SUGCT: variants seen among roughly 807,000 people sequenced by gnomAD.
SUGCT encodes succinyl-CoA:glutarate-CoA transferase, also known as succinyl-CoA:glutarate CoA-transferase.
Under a neutral mutation model 55.0 loss-of-function variants are expected in SUGCT, and 41 were observed. The ratio of observed to expected loss-of-function variants is 0.74; its 90% confidence interval spans 0.58 to 0.97. The LOEUF (loss-of-function observed/expected upper bound fraction) is 0.97, where lower values mean the gene tolerates loss of function less well. Ranked by LOEUF, SUGCT falls within the 50% of genes least tolerant of loss-of-function variation. The pLI is 0.00. For missense variants in SUGCT, 568 were observed against 547.8 expected (o/e 1.04, Z -0.37); for synonymous variants, 187 against 200.4 (o/e 0.93, Z 0.56).
At chr7:40,725,494 T>TG (rs113833078) in intron 12 of SUGCT, among the ~76,000 whole-genome samples, 11,042 of 152,166 alleles carry the variant, frequency 0.073, 1,320 homozygotes, top group African/African-American at 0.25. Context: ...TCCTTCTAGT[T>TG]GAAACTCTAC....
At chr7:40,630,025 T>C (rs961441015) in intron 12 of SUGCT, among the ~76,000 whole-genome samples, 6 of 152,188 alleles carry the variant, frequency 3.9e-5, no homozygotes, top group African/African-American at 1.4e-4. Context: ...TGTATTGCCA[T>C]TGACTCCTGA....
intron 8 of SUGCT, among the ~76,000 whole-genome samples, chr7:40,315,963 A>G (rs981708653): frequency 3.3e-5 from 5 of 152,164 alleles, no homozygotes; most frequent in African/African-American, 1.2e-4. Flanking sequence ...TCTTCATATT[A>G]TCGTCATATT....
intron 9 of SUGCT, among the ~76,000 whole-genome samples, chr7:40,343,750 G>A (rs975768591): frequency 2.4e-4 from 37 of 151,918 alleles, no homozygotes; most frequent in East Asian, 5.8e-4. Flanking sequence ...TCCGCCTCCC[G>A]GGTTCACGCC....
intron 13 of SUGCT, among the ~76,000 whole-genome samples, chr7:40,810,842 C>T (rs1293349503): frequency 6.6e-6 from 1 of 152,104 alleles, no homozygotes; most frequent in Non-Finnish European, 1.5e-5. Context: ...TTCCCAAATG[C>T]AATGTCTAGA....
At chr7:40,381,223 A>G (rs1257297120) in intron 9 of SUGCT, among the ~76,000 whole-genome samples, 1 of 152,078 alleles carries the variant, frequency 6.6e-6, no homozygotes, top group East Asian at 1.9e-4. Flanking sequence ...GGCTGGCTAT[A>G]TAATATATAA....
intron 13 of SUGCT, among the ~76,000 whole-genome samples, chr7:40,819,330 C>T (rs1791852799): frequency 6.6e-6 from 1 of 152,156 alleles, no homozygotes; most frequent in African/African-American, 2.4e-5. Context: ...GAGAAATCAC[C>T]ACACTGTCTT....
At chr7:40,380,677 T>A (rs758193438) in intron 9 of SUGCT, among the ~76,000 whole-genome samples, 1 of 152,202 alleles carries the variant, frequency 6.6e-6, no homozygotes, top group African/African-American at 2.4e-5. Flanking sequence ...CTATAATGCG[T>A]GTTGATAGTC....
chr7:40,331,541 G>A (rs1284855615), intron 9 of SUGCT, among the ~76,000 whole-genome samples: 2 of 152,196 alleles, frequency 1.3e-5, no homozygotes, highest in African/African-American at 4.8e-5. Context: ...CATAGCATAT[G>A]TTCAGTAGCC....
intron 3 of SUGCT, among the ~76,000 whole-genome samples, chr7:40,187,113 T>A (rs1239386900): frequency 1.3e-5 from 2 of 152,108 alleles, no homozygotes; most frequent in Non-Finnish European, 2.9e-5. Context: ...CCATAAAAAA[T>A]GATGAGTTCA....
chr7:40,183,529 G>A (rs893695939), intron 3 of SUGCT, among the ~76,000 whole-genome samples: 3 of 151,988 alleles, frequency 2.0e-5, no homozygotes, highest in African/African-American at 7.2e-5. Flanking sequence ...TTTTTTGTGT[G>A]TGTAGAGACA....
intron 13 of SUGCT, among the ~76,000 whole-genome samples, chr7:40,775,384 T>A (rs1252235118): frequency 6.6e-6 from 1 of 152,226 alleles, no homozygotes; most frequent in Non-Finnish European, 1.5e-5. Flanking sequence ...TCCCAGTTTC[T>A]CTACTGGAAA....
intron 9 of SUGCT, among the ~76,000 whole-genome samples, chr7:40,407,749 A>G (rs1786458138): frequency 6.6e-6 from 1 of 151,956 alleles, no homozygotes; most frequent in Admixed American, 6.6e-5. Context: ...CAATTTACGA[A>G]TTGGCAACAT....
intron 6 of SUGCT, among the ~76,000 whole-genome samples, chr7:40,210,027 T>C (rs1397154743): frequency 6.6e-6 from 1 of 152,084 alleles, no homozygotes; most frequent in Non-Finnish European, 1.5e-5. Context: ...TGTTCTCTTA[T>C]CATCCTCATA....
chr7:40,868,684 T>G, the SUGCT span, among the ~76,000 whole-genome samples: 3 of 152,150 alleles, frequency 2.0e-5, no homozygotes, highest in African/African-American at 7.2e-5. Flanking sequence ...TAGTTGGGAC[T>G]ACAGGCATGC....
Position 40,236,442 on chromosome 7 carries a change from C to CAAAAAAA in SUGCT, c.485-1182_485-1176dup, listed in dbSNP as rs60720770. On this transcript the variant is annotated intron_variant, in intron 6 of 13. Coordinates refer to ENST00000335693, the MANE Select transcript of SUGCT (RefSeq NM_001193313.2). ...GTGTTCTGTTGATTCTTTCTGATGG[C>CAAAAAAA]AAAAAAAAAAAAAAAAATTTGACAC... 2.9e-4 allele frequency among the ~76,000 whole-genome samples: 26 copies of CAAAAAAA among 90,020 alleles called. 1 individual carries two copies. The highest frequency in any genetic ancestry group is 9.1e-4 in the African/African-American group (18 of 19,880). The allele number at this position is 90,020 out of a possible 152,430, so 59.1% of individuals were successfully genotyped here. A position where few individuals can be genotyped will look rare whatever the true frequency, so the allele number is the denominator to read the frequency against.
chr7:40,453,366 G>A (rs1789297652), intron 10 of SUGCT, among the ~76,000 whole-genome samples: 1 of 152,196 alleles, frequency 6.6e-6, no homozygotes, highest in African/African-American at 2.4e-5. Flanking sequence ...AGGAGCCCCA[G>A]GCAACTGGAA....
intron 12 of SUGCT, among the ~76,000 whole-genome samples, chr7:40,619,723 A>G (rs964764207): frequency 3.9e-5 from 6 of 152,200 alleles, no homozygotes. Context: ...AGTTTTTTCA[A>G]CCCAGTAAAG....
the SUGCT span, among the ~76,000 whole-genome samples, chr7:40,924,479 C>T: frequency 4.3e-4 from 65 of 152,244 alleles, no homozygotes; most frequent in Admixed American, 7.2e-4. Flanking sequence ...GTCTCAAACT[C>T]CTGAGCTCAA....
chr7:40,409,461 T>A (rs549225050), intron 9 of SUGCT, among the ~76,000 whole-genome samples: 1 of 152,122 alleles, frequency 6.6e-6, no homozygotes, highest in Non-Finnish European at 1.5e-5. Context: ...GGTCTCACTC[T>A]GCTGTCCAGT....
Sources: allele counts gnomAD v4.1 joint callset (sites outside exome capture counted in the v4.1 genomes callset), GRCh38; gene constraint gnomAD v4.1.1; transcripts MANE v1.5; gene names NCBI Gene and HGNC (gene_info 2026-07-23, HGNC 2026-07-21).